EEF1D: variants seen among roughly 807,000 people sequenced by gnomAD.
EEF1D encodes elongation factor 1-delta.
EEF1D carries 47 observed loss-of-function variants against 63.9 expected under a neutral mutation model. That is an observed-to-expected ratio of 0.74 (90% confidence interval 0.58 to 0.94). EEF1D has a LOEUF of 0.94. Ranked by LOEUF, EEF1D falls within the 40% of genes least tolerant of loss-of-function variation. The probability of loss-of-function intolerance (pLI) is 0.00; values close to 1 mark genes in which losing one functional copy is unlikely to be tolerated. For missense variants in EEF1D, 907 were observed against 899.0 expected, an observed-to-expected ratio of 1.01 and a Z score of -0.11; for synonymous variants, 412 against 386.1, an observed-to-expected ratio of 1.07 and a Z score of -0.79.
chr8:143,580,324 C>A, intron 8 of EEF1D, 118 bp from the exon 9 acceptor site: 1 of 1,271,514 alleles, frequency 7.9e-7, no homozygotes. Context: ...TTAAAGGGCC[C>A]ACAGAAAACA....
intron 5 of EEF1D, chr8:143,581,573 G>C (rs1048103884): frequency 1.7e-5 from 10 of 571,896 alleles, no homozygotes; most frequent in Non-Finnish European, 3.1e-5. Flanking sequence ...CGGAGGCTGT[G>C]GGGAGCTGGG....
chr8:143,579,852 C>T (rs368051603), intron 9 of EEF1D, 22 bp from the exon 10 acceptor site: 22 of 1,546,126 alleles, frequency 1.4e-5, no homozygotes, highest in Admixed American at 4.0e-5. Context: ...CGGAGGGTGA[C>T]GGTCAGGGCT....
At chr8:143,586,679 A>G in intron 4 of EEF1D, 50 bp downstream of exon 4, 1 of 1,597,668 alleles carries the variant, frequency 6.3e-7, no homozygotes, top group South Asian at 1.1e-5. Flanking sequence ...TGCCCCGGCC[A>G]CTCCTGTCGG....
rs1325296150 is a variant in EEF1D, at chr8:143,590,054, G to C, written c.28C>G (p.Leu10Val). The C allele has an allele frequency of 1.3e-6, 2 of 1,598,654 alleles. No homozygotes were observed. The highest frequency in any genetic ancestry group is 1.7e-6 in the Non-Finnish European group (2 of 1,179,874). MRSGKASCT[L>V]ETVWEDKHKY... The stretch of plus-strand genomic sequence containing the variant: ...TGCTTGTCTTCCCACACGGTCTCCA[G>C]GGTGCAGGAGGCCTTCCCGCTCCTC... The change falls in exon 3 of 10, where the codon CTG (leucine) becomes GTG (valine). Residue 10 changes from leucine to valine, a missense_variant. Transcript: ENST00000618139.
chr8:143,579,767 G>A lies in EEF1D; in HGVS notation c.*25C>T, dbSNP rs774571357. 2.0e-5 allele frequency: 30 copies of A among 1,531,392 alleles called. No homozygotes were observed. Among genetic ancestry groups the A allele is most frequent in the South Asian group, 2.6e-5 (2 of 78,124 alleles). The allele number at this position is 1,531,392 out of a possible 1,614,324, so 94.9% of individuals were successfully genotyped here. ...TTAATCGTGGCAGGGCCTCACGCAC[G>A]CGCGCACGTACACACACTCAGGCTT... On this transcript the variant is annotated 3_prime_UTR_variant, in exon 10 of 10. Coordinates refer to ENST00000618139, the MANE Select transcript of EEF1D (RefSeq NM_001130053.5).
intron 1 of EEF1D, 197 bp from the exon 2 acceptor site, chr8:143,592,857 A>G: frequency 4.9e-6 from 1 of 202,366 alleles, no homozygotes; most frequent in Non-Finnish European, 8.8e-6. Flanking sequence ...CCCAGGTGGC[A>G]GCTGAGTCCA....
At chr8:143,590,656 A>C in intron 2 of EEF1D, 2 of 938,032 alleles carry the variant, frequency 2.1e-6, no homozygotes, top group South Asian at 4.9e-5. Flanking sequence ...TGTAATCCCA[A>C]CACTTTGGGA....
In EEF1D at chr8:143,589,852, C is replaced by G. The variant is rs768210001; in HGVS notation, c.230G>C (p.Ser77Thr). Residue 77 changes from serine (S) to threonine (T), a missense_variant, in exon 3 of 10, where the codon AGC becomes ACC. Coordinates refer to ENST00000618139, the MANE Select transcript of EEF1D (RefSeq NM_001130053.5). ...CTGCAGGGGCTTCCTGCTGTCCTGG[C>G]TCTTCCTGGGATCACGCCTGCTGCC... is the stretch of plus-strand genomic sequence containing the variant. ...DGGSRRDPRKSQDSRKPLQKK... is the reference protein window; with the variant it reads ...DGGSRRDPRKTQDSRKPLQKK... 2.5e-6 allele frequency: 4 copies of G among 1,603,594 alleles called. No homozygotes were observed. The African/African-American group carries it at 5.4e-5, about 21-fold the overall frequency.
chr8:143,593,888 C>T (rs1828380847), intron 1 of EEF1D: 2 of 985,332 alleles, frequency 2.0e-6, no homozygotes, highest in Middle Eastern at 5.2e-4. Flanking sequence ...CCGGACGCAG[C>T]GCACCATCTC....
intron 1 of EEF1D, among the ~76,000 whole-genome samples, chr8:143,595,827 CCACGCCACACCTCA>C (rs1363159907): frequency 6.6e-6 from 1 of 152,226 alleles, no homozygotes; most frequent in Non-Finnish European, 1.5e-5. Context: ...CAGACAATAC[CCACGCCACACCTCA>C]CACGGCACCC....
At chr8:143,586,881 T>C in intron 3 of EEF1D, 29 bp from the exon 4 acceptor site, 2 of 1,611,390 alleles carry the variant, frequency 1.2e-6, no homozygotes, top group South Asian at 1.1e-5. Context: ...AAAGTCAGCA[T>C]GGCTGGGAAG....
chr8:143,592,015 G>A (rs1261159680), intron 2 of EEF1D: 6 of 984,422 alleles, frequency 6.1e-6, no homozygotes, highest in Non-Finnish European at 7.2e-6. Context: ...GGGCCCATGG[G>A]AGGCCACAGG....
At position 143,590,046 on chromosome 8, in the gene EEF1D, G is replaced by A. The variant is rs140176916; in HGVS notation, c.36C>T (p.Thr12=). ...CATACTTGTGCTTGTCTTCCCACACGGTCTCCAGGGTGCAGGAGGCCTTCC... is the reference window on the plus strand; with the variant it reads ...CATACTTGTGCTTGTCTTCCCACACAGTCTCCAGGGTGCAGGAGGCCTTCC... The part of the protein sequence containing the change: ...RSGKASCTLE[T]VWEDKHKYEE... The change falls in exon 3 of 10, where the codon ACC becomes ACT. Residue 12 remains threonine (T), a synonymous_variant. Coordinates refer to ENST00000618139, the MANE Select transcript of EEF1D (RefSeq NM_001130053.5). The A allele has an allele frequency of 1.1e-4, 170 of 1,598,782 alleles. No individual in the cohort carries two copies. Among genetic ancestry groups the A allele is most frequent in the African/African-American group, 1.3e-4 (10 of 74,940 alleles).
rs781224000 is a variant in EEF1D at position 143,586,266 on chromosome 8, G to A, written c.1240C>T (p.Arg414Cys). ...RQENGASVILRDIARARENIQ... is the reference protein window; with the variant it reads ...RQENGASVILCDIARARENIQ... ...TTCTCTCTGGCTCTCGCAATGTCACGGAGGATCACGCTGGCGCCGTTCTCC... is the reference window on the plus strand; with the variant it reads ...TTCTCTCTGGCTCTCGCAATGTCACAGAGGATCACGCTGGCGCCGTTCTCC... The change falls in exon 5 of 10, where the codon CGT (arginine) becomes TGT (cysteine). Residue 414 changes from arginine to cysteine, a missense_variant. By Grantham distance (180) the Arg-to-Cys change is radical. Transcript: ENST00000618139. 12 of 1,608,258 alleles carry A rather than the reference G, an allele frequency of 7.5e-6. No individual in the cohort carries two copies. The highest frequency in any genetic ancestry group is 3.3e-5 in the South Asian group (3 of 90,312).
At chr8:143,580,462 C>A (rs768964247) in intron 8 of EEF1D, 44 bp downstream of exon 8, 2 of 1,589,168 alleles carry the variant, frequency 1.3e-6, no homozygotes, top group South Asian at 2.2e-5. Flanking sequence ...AGGCGGGCAC[C>A]AGGGCAGTGC....
At chr8:143,580,830 A>C in intron 7 of EEF1D, 103 bp from the exon 8 acceptor site, 4 of 1,384,430 alleles carry the variant, frequency 2.9e-6, no homozygotes, top group Non-Finnish European at 4.0e-6. Flanking sequence ...GACTGGAGGA[A>C]GGGCAGCCCC....
In EEF1D at chr8:143,586,210, G is replaced by A; in HGVS notation, c.1287+9C>T. 1 of 1,607,876 alleles carries A rather than the reference G, an allele frequency of 6.2e-7. No homozygotes were observed. The highest frequency in any genetic ancestry group is 8.5e-7 in the Non-Finnish European group (1 of 1,178,262). ...GGAGCCCGCAGGTCCGTGGGCCGCG[G>A]GTACTCACTCCAGCCAGGGATTTCT... On this transcript the variant is annotated intron_variant, in intron 5 of 9. Transcript: ENST00000618139.
chr8:143,585,108 C>T (rs528586028), intron 5 of EEF1D, among the ~76,000 whole-genome samples: 13 of 152,194 alleles, frequency 8.5e-5, no homozygotes, highest in African/African-American at 2.4e-4. Flanking sequence ...TGAGAATCTC[C>T]GGCGCCCACG....
rs566497229 is a variant in EEF1D at position 143,595,063 on chromosome 8, G to A, written c.-15+2285C>T. Reference sequence around the variant, plus strand: ...TGGGACTACAGGCATGCGCAACCACGGCCAGCTAATTTTTGGGTTTTTTTT... The same window carrying A: ...TGGGACTACAGGCATGCGCAACCACAGCCAGCTAATTTTTGGGTTTTTTTT... On this transcript the variant is annotated intron_variant, in intron 1 of 9. Coordinates refer to ENST00000618139, the MANE Select transcript of EEF1D (RefSeq NM_001130053.5). Among the ~76,000 whole-genome samples the A allele has an allele frequency of 1.6e-4, 24 of 151,194 alleles. No individual in the cohort carries two copies. In the East Asian group the frequency reaches 2.3e-3, roughly 15 times the overall value.
Sources: gnomAD v4.1 joint callset for allele counts (sites outside exome capture counted in the v4.1 genomes callset) on GRCh38, gnomAD v4.1.1 for gene constraint, MANE v1.5 for transcripts, NCBI Gene and HGNC (gene_info 2026-07-23, HGNC 2026-07-21) for gene names.